PLEKHM1: variants seen among roughly 807,000 people sequenced by gnomAD.
The protein encoded by PLEKHM1 is pleckstrin homology domain-containing family M member 1.
In PLEKHM1, 28 loss-of-function variants were observed where a neutral mutation model predicts 94.3. The observed-to-expected ratio is 0.30, with a 90% CI of 0.22 to 0.41. The LOEUF (loss-of-function observed/expected upper bound fraction) is 0.41, where lower values mean the gene tolerates loss of function less well. Ranked by LOEUF, PLEKHM1 falls within the 10% of genes least tolerant of loss-of-function variation. The pLI is 1.00. For missense variants in PLEKHM1, 907 were observed against 1,358.6 expected, an observed-to-expected ratio of 0.67 and a Z score of 5.22; for synonymous variants, 424 against 581.2, an observed-to-expected ratio of 0.73 and a Z score of 3.89.
intron 5 of PLEKHM1, among the ~76,000 whole-genome samples, chr17:45,461,960 G>T (rs1226492418): frequency 1.3e-5 from 2 of 152,196 alleles, no homozygotes; most frequent in Non-Finnish European, 2.9e-5. Context: ...ACTCTAAGTG[G>T]CTGTGTACAC....
At chr17:45,484,218 C>T (rs1437622974) in intron 1 of PLEKHM1, among the ~76,000 whole-genome samples, 1 of 152,208 alleles carries the variant, frequency 6.6e-6, no homozygotes, top group African/African-American at 2.4e-5. Context: ...TGGAATGGCC[C>T]TGCAAAGCCA....
At chr17:45,473,563 A>T (rs1350557171) in intron 4 of PLEKHM1, among the ~76,000 whole-genome samples, 1 of 147,258 alleles carries the variant, frequency 6.8e-6, no homozygotes, top group Admixed American at 6.8e-5. Flanking sequence ...AAAATCTTTT[A>T]TTTTTTTTTT....
At chr17:45,460,376 C>T (rs1466303760) in intron 5 of PLEKHM1, 1 of 152,062 alleles carries the variant, frequency 6.6e-6, no homozygotes, top group Non-Finnish European at 1.5e-5. Flanking sequence ...TCTGCTGCCT[C>T]GGCCTCCCGA....
Position 45,444,678 on chromosome 17 carries a change from T to C in PLEKHM1, c.2837+792A>G, listed in dbSNP as rs2050548025. The stretch of plus-strand genomic sequence containing the variant: ...TTTCCACCAACGGTGCCTTCGTTCA[T>C]GGCCTGTGCGTGCCATTCCTTCTGT... On this transcript the variant is annotated intron_variant, in intron 9 of 11. Transcript: ENST00000430334. The surrounding 1 kb of genome is among the most constrained non-coding windows in gnomAD (Gnocchi z 5.0). Among the ~76,000 whole-genome samples, 2 of 152,212 alleles carry C rather than the reference T, an allele frequency of 1.3e-5. No homozygotes were observed. The highest frequency in any genetic ancestry group is 1.3e-4 in the Admixed American group (2 of 15,280).
chr17:45,465,741 T>C (rs1429447127), intron 5 of PLEKHM1, among the ~76,000 whole-genome samples: 1 of 151,862 alleles, frequency 6.6e-6, no homozygotes. Flanking sequence ...AGAAGCCTGA[T>C]GTTGGAAGGA....
intron 5 of PLEKHM1, among the ~76,000 whole-genome samples, chr17:45,466,077 A>G (rs2145273445): frequency 6.6e-6 from 1 of 152,342 alleles, no homozygotes; most frequent in East Asian, 1.9e-4. Flanking sequence ...ATTTTCAGGA[A>G]GCAAATCTTC....
chr17:45,444,876 A>G lies in PLEKHM1; in HGVS notation c.2837+594T>C, dbSNP rs1387690777. Reference sequence around the variant, plus strand: ...CGTCCTGCCTCTCACCCTCACCCCCAGATGGAGTTGCTGGCTTTCCCACCT... The same window carrying G: ...CGTCCTGCCTCTCACCCTCACCCCCGGATGGAGTTGCTGGCTTTCCCACCT... On this transcript the variant is annotated intron_variant, in intron 9 of 11. Coordinates refer to ENST00000430334, the MANE Select transcript of PLEKHM1 (RefSeq NM_014798.3). The surrounding 1 kb of genome is among the most constrained non-coding windows in gnomAD (Gnocchi z 5.0). Among the ~76,000 whole-genome samples, 3 of 148,406 alleles carry G rather than the reference A, an allele frequency of 2.0e-5. No homozygotes were observed. Among genetic ancestry groups the G allele is most frequent in the African/African-American group, 5.0e-5 (2 of 39,806 alleles).
downstream of PLEKHM1, among the ~76,000 whole-genome samples, chr17:45,435,635 T>C (rs1241958896): frequency 2.0e-5 from 3 of 152,202 alleles, no homozygotes; most frequent in Non-Finnish European, 2.9e-5. Flanking sequence ...GTTATACAAG[T>C]GTGGGTACAC....
chr17:45,442,203 C>T (rs1011329492), intron 9 of PLEKHM1, among the ~76,000 whole-genome samples: 9 of 152,170 alleles, frequency 5.9e-5, no homozygotes, highest in African/African-American at 2.2e-4. Context: ...CCCTGCCAGG[C>T]AGCTGCCACT....
At chr17:45,441,434 C>T (rs1432762185) in intron 9 of PLEKHM1, among the ~76,000 whole-genome samples, 1 of 152,186 alleles carries the variant, frequency 6.6e-6, no homozygotes, top group Non-Finnish European at 1.5e-5. Flanking sequence ...CTGGTGTCCC[C>T]AGTAAACTTC....
intron 8 of PLEKHM1, chr17:45,446,204 C>T (rs568694602): frequency 1.0e-5 from 2 of 191,230 alleles, no homozygotes; most frequent in South Asian, 2.1e-4. Flanking sequence ...AGTGATCCAT[C>T]TCAGTCTCTC....
In PLEKHM1 at chr17:45,488,669, C is replaced by T. The variant is rs142470643; in HGVS notation, c.-42+1983G>A. Among the ~76,000 whole-genome samples, 1,319 of 152,242 alleles carry T rather than the reference C, an allele frequency of 8.7e-3. 11 individuals carry two copies. The highest frequency in any genetic ancestry group is 0.024 in the Middle Eastern group (7 of 294). On this transcript the variant is annotated intron_variant, in intron 1 of 11. Transcript: ENST00000430334. ...TAAAACTGCAATCAGCCAGGTGCGG[C>T]GGCTCACGCCCGTAATCCCAGCACT...
At chr17:45,439,902 T>G (rs1169226556) in intron 10 of PLEKHM1, 25 of 639,466 alleles carry the variant, frequency 3.9e-5, no homozygotes, top group Non-Finnish European at 6.7e-5. Context: ...TACCCTCCCC[T>G]TGGGGAAAGG....
chr17:45,488,395 A>G (rs538261542), intron 1 of PLEKHM1, among the ~76,000 whole-genome samples: 28 of 152,332 alleles, frequency 1.8e-4, no homozygotes, highest in Non-Finnish European at 3.1e-4. Context: ...GAATGAATTG[A>G]TTAATAAAAT....
Position 45,437,011 on chromosome 17 carries a change from C to T in PLEKHM1, c.*847G>A, listed in dbSNP as rs756946411. The T allele has an allele frequency of 6.2e-5, 28 of 453,724 alleles. No homozygotes were observed. The highest frequency in any genetic ancestry group is 1.9e-4 in the South Asian group (12 of 64,420). The allele number at this position is 453,724 out of a possible 1,614,324, so 28.1% of individuals were successfully genotyped here. A position where few individuals can be genotyped will look rare whatever the true frequency, so the allele number is the denominator to read the frequency against. ...AGAGGGGTGAGGAGCGCACGGGGAT[C>T]GGGGGTGGGCAAGACGGCGACCCTC... On this transcript the variant is annotated 3_prime_UTR_variant, in exon 12 of 12. Transcript: ENST00000430334. This position sits in a 1 kb window ranked among gnomAD's most constrained non-coding sequence, Gnocchi z 4.0.
Position 45,475,261 on chromosome 17 carries a change from C to T in PLEKHM1, c.762G>A (p.Leu254=), listed in dbSNP as rs1044570162. 1 of 1,613,990 alleles carries T rather than the reference C, an allele frequency of 6.2e-7. No individual in the cohort carries two copies. Among genetic ancestry groups the T allele is most frequent in the Non-Finnish European group, 8.5e-7 (1 of 1,179,866 alleles). The change falls in exon 4 of 12, where the codon CTG becomes CTA. Residue 254 remains leucine, a synonymous_variant. Transcript: ENST00000430334. ...NQKLTASSLS[L]DTASSSQLSC... ...ACAGCTGGGATGAACTGGCCGTGTC[C>T]AGGCTGAGGGAGGAGGCAGTCAGCT...
chr17:45,442,248 C>T (rs2050471395), intron 9 of PLEKHM1, among the ~76,000 whole-genome samples: 1 of 152,168 alleles, frequency 6.6e-6, no homozygotes, highest in South Asian at 2.1e-4. Flanking sequence ...TCCCTGACAT[C>T]CAAGACCTTC....
chr17:45,479,036 T>G (rs1212409950), intron 2 of PLEKHM1, among the ~76,000 whole-genome samples: 1 of 150,402 alleles, frequency 6.6e-6, no homozygotes, highest in African/African-American at 2.4e-5. Context: ...CTTTTTTTTT[T>G]TGGGAAGTGG....
chr17:45,465,790 T>C (rs2051302864), intron 5 of PLEKHM1, among the ~76,000 whole-genome samples: 1 of 151,810 alleles, frequency 6.6e-6, no homozygotes, highest in Non-Finnish European at 1.5e-5. Flanking sequence ...GGCCGGTGGG[T>C]CAGAGCTTAG....
Sources: allele counts gnomAD v4.1 joint callset (sites outside exome capture counted in the v4.1 genomes callset), GRCh38; gene constraint gnomAD v4.1.1; non-coding constraint Gnocchi (gnomAD v3.1); transcripts MANE v1.5; gene names NCBI Gene and HGNC (gene_info 2026-07-23, HGNC 2026-07-21).